ASTN2: variants seen among roughly 807,000 people sequenced by gnomAD.
ASTN2 encodes the protein astrotactin 2.
Under a neutral mutation model 139.8 loss-of-function variants are expected in ASTN2, and 54 were observed. The observed-to-expected ratio is 0.39, with a 90% confidence interval of 0.31 to 0.48. The LOEUF (loss-of-function observed/expected upper bound fraction) is 0.48. Ranked by LOEUF, ASTN2 falls within the 20% of genes least tolerant of loss-of-function variation. The probability of loss-of-function intolerance (pLI) is 0.95; values close to 1 mark genes in which losing one functional copy is unlikely to be tolerated. For missense variants in ASTN2, 1,565 were observed against 1,725.1 expected, an observed-to-expected ratio of 0.91 and a Z score of 1.64; for synonymous variants, 756 against 719.5, an observed-to-expected ratio of 1.05 and a Z score of -0.81.
intron 19 of ASTN2, among the ~76,000 whole-genome samples, chr9:116,496,337 CA>C (rs1423268811): frequency 2.0e-5 from 3 of 152,078 alleles, no homozygotes; most frequent in Non-Finnish European, 4.4e-5. Context: ...TGGCTGGGAG[CA>C]CAAGCATAAA....
chr9:116,660,340 A>G (rs887482354), intron 16 of ASTN2, among the ~76,000 whole-genome samples: 2 of 152,220 alleles, frequency 1.3e-5, no homozygotes, highest in African/African-American at 4.8e-5. Flanking sequence ...TGTATAAGTA[A>G]TAAGCACAAT....
In ASTN2 at chr9:116,425,087, A is replaced by T. The variant is rs73656834; in HGVS notation, c.*764T>A. ...CCTTCTCTATAATTTCCACTGGGCAATAAGTTCCCTGAGGGAAGGAAGCTT... is the reference window on the plus strand; with the variant it reads ...CCTTCTCTATAATTTCCACTGGGCATTAAGTTCCCTGAGGGAAGGAAGCTT... On this transcript the variant is annotated 3_prime_UTR_variant, in exon 23 of 23. Coordinates refer to ENST00000313400, the MANE Select transcript of ASTN2 (RefSeq NM_001365068.1). 0.034 allele frequency: 5,575 copies of T among 162,546 alleles called. 345 individuals carry two copies. The highest frequency in any genetic ancestry group is 0.13 in the African/African-American group (5,338 of 41,556). 10.1% of individuals were successfully genotyped at this position (162,546 alleles called of 1,614,324 possible). A position where few individuals can be genotyped will look rare whatever the true frequency, so the allele number is the denominator to read the frequency against.
intron 16 of ASTN2, among the ~76,000 whole-genome samples, chr9:116,666,099 A>G (rs1858846837): frequency 6.6e-6 from 1 of 152,216 alleles, no homozygotes; most frequent in South Asian, 2.1e-4. Context: ...CTAGACAACT[A>G]TCATCAATGA....
At chr9:116,528,023 C>T (rs1014212972) in intron 19 of ASTN2, among the ~76,000 whole-genome samples, 3 of 152,100 alleles carry the variant, frequency 2.0e-5, no homozygotes, top group Non-Finnish European at 2.9e-5. Context: ...AAATTGGTAC[C>T]AGAAGTGAGG....
At chr9:117,401,909 G>C (rs1374245494) in intron 1 of ASTN2, among the ~76,000 whole-genome samples, 1 of 152,186 alleles carries the variant, frequency 6.6e-6, no homozygotes, top group Non-Finnish European at 1.5e-5. Flanking sequence ...CAATTGTTTA[G>C]ATTTGGCCCA....
At chr9:116,973,856 C>A (rs1034443780) in intron 10 of ASTN2, among the ~76,000 whole-genome samples, 1 of 152,154 alleles carries the variant, frequency 6.6e-6, no homozygotes, top group African/African-American at 2.4e-5. Context: ...CTTTTTAAAA[C>A]ATCCTCTTTT....
chr9:117,033,539 G>A (rs1838305418), intron 6 of ASTN2, among the ~76,000 whole-genome samples: 1 of 152,146 alleles, frequency 6.6e-6, no homozygotes, highest in Non-Finnish European at 1.5e-5. Context: ...ACAGTCAACA[G>A]TAGAGGAAGA....
At position 117,278,766 on chromosome 9, in the gene ASTN2, C is replaced by G. The variant is rs543050603; in HGVS notation, c.630+12560G>C. On this transcript the variant is annotated intron_variant, in intron 2 of 22. Coordinates refer to ENST00000313400, the MANE Select transcript of ASTN2 (RefSeq NM_001365068.1). The stretch of plus-strand genomic sequence containing the variant: ...AAGTTTGAATTGGGTAATTGTTTGA[C>G]TGTATCGGTGGATTTGCAGACAGGA... Among the ~76,000 whole-genome samples, 19 of 152,274 alleles carry G rather than the reference C, an allele frequency of 1.2e-4. 1 individual carries two copies. In the South Asian group the frequency reaches 3.9e-3, roughly 32 times the overall value.
intron 12 of ASTN2, among the ~76,000 whole-genome samples, chr9:116,812,439 A>G (rs1831190968): frequency 1.3e-5 from 2 of 152,216 alleles, no homozygotes; most frequent in Admixed American, 1.3e-4. Context: ...AGAGTAACGG[A>G]CCATGAGTCA....
intron 10 of ASTN2, among the ~76,000 whole-genome samples, chr9:116,973,386 G>A (rs1488428094): frequency 2.6e-5 from 4 of 152,108 alleles, no homozygotes; most frequent in Admixed American, 1.3e-4. Context: ...AAATGAAAAC[G>A]TAGAGAATTA....
chr9:116,850,915 T>C (rs1376201885), intron 11 of ASTN2, among the ~76,000 whole-genome samples: 1 of 152,164 alleles, frequency 6.6e-6, no homozygotes, highest in Non-Finnish European at 1.5e-5. Context: ...GAAGGATCCA[T>C]GTGTGACTCT....
Position 116,519,495 on chromosome 9 carries a change from G to T in ASTN2, c.3356-31995C>A, listed in dbSNP as rs571240323. Among the ~76,000 whole-genome samples, 5 of 151,908 alleles carry T rather than the reference G, an allele frequency of 3.3e-5. No individual in the cohort carries two copies. In the South Asian group the frequency reaches 1.0e-3, roughly 32 times the overall value. ...TGACACAACCTGTCAAAAACCTCTGGGATACAGCAAAAGTGGTGCTAAGAG... is the reference window on the plus strand; with the variant it reads ...TGACACAACCTGTCAAAAACCTCTGTGATACAGCAAAAGTGGTGCTAAGAG... On this transcript the variant is annotated intron_variant, in intron 19 of 22. Transcript: ENST00000313400.
At chr9:116,451,326 T>C (rs1012869939) in intron 20 of ASTN2, among the ~76,000 whole-genome samples, 2 of 152,186 alleles carry the variant, frequency 1.3e-5, no homozygotes, top group African/African-American at 4.8e-5. Context: ...AATTAAAGTG[T>C]GTTGAGTGTA....
intron 10 of ASTN2, among the ~76,000 whole-genome samples, chr9:116,907,535 T>A (rs1834195396): frequency 6.6e-6 from 1 of 152,150 alleles, no homozygotes; most frequent in Non-Finnish European, 1.5e-5. Context: ...GCTCTCCCAT[T>A]GGTGTTAAGC....
chr9:117,225,468 A>C (rs1167161676), intron 2 of ASTN2, among the ~76,000 whole-genome samples: 1 of 146,844 alleles, frequency 6.8e-6, no homozygotes, highest in Non-Finnish European at 1.5e-5. Context: ...TAATCCCAGC[A>C]CTTTGGGAGG....
intron 4 of ASTN2, among the ~76,000 whole-genome samples, chr9:117,110,114 T>C (rs1312311127): frequency 6.6e-6 from 1 of 152,236 alleles, no homozygotes; most frequent in Non-Finnish European, 1.5e-5. Flanking sequence ...ATTTTTCATC[T>C]TTTGAAATAA....
chr9:116,430,571 G>T (rs1383673694), intron 22 of ASTN2, among the ~76,000 whole-genome samples: 2 of 152,182 alleles, frequency 1.3e-5, no homozygotes, highest in African/African-American at 4.8e-5. Flanking sequence ...AAAGCACATA[G>T]GCTTTAGAGT....
intron 19 of ASTN2, among the ~76,000 whole-genome samples, chr9:116,556,406 T>C (rs911815220): frequency 1.3e-5 from 2 of 152,086 alleles, no homozygotes; most frequent in Admixed American, 6.5e-5. Flanking sequence ...GGTGAGAGGA[T>C]TGCTTGAGAC....
At chr9:117,219,837 T>C (rs554930960) in intron 2 of ASTN2, among the ~76,000 whole-genome samples, 1 of 152,152 alleles carries the variant, frequency 6.6e-6, no homozygotes, top group South Asian at 2.1e-4. Context: ...TGACAGTGAG[T>C]CTCAGATTCC....
Sources: gnomAD v4.1 joint callset for allele counts (sites outside exome capture counted in the v4.1 genomes callset) on GRCh38, gnomAD v4.1.1 for gene constraint, MANE v1.5 for transcripts, NCBI Gene and HGNC (gene_info 2026-07-23, HGNC 2026-07-21) for gene names.